NEK11: variants seen among roughly 807,000 people sequenced by gnomAD.
The protein encoded by NEK11 is serine/threonine-protein kinase Nek11.
NEK11 carries 72 observed loss-of-function variants against 80.7 expected under a neutral mutation model. The ratio of observed to expected loss-of-function variants is 0.89; its 90% CI spans 0.74 to 1.08. The LOEUF (loss-of-function observed/expected upper bound fraction) is 1.08. Ranked by LOEUF, NEK11 falls within the 50% of genes least tolerant of loss-of-function variation. NEK11 has a pLI of 0.00. For missense variants in NEK11, 764 were observed against 763.6 expected (o/e 1.00, Z -0.01); for synonymous variants, 251 against 260.7 (o/e 0.96, Z 0.36).
At chr3:131,180,396 G>C (rs1040087274) in intron 14 of NEK11, among the ~76,000 whole-genome samples, 1 of 152,130 alleles carries the variant, frequency 6.6e-6, no homozygotes, top group Admixed American at 6.5e-5. Context: ...CAATTAGATA[G>C]AGAAACAAAT....
At chr3:131,136,835 T>C (rs1358681484) in intron 7 of NEK11, among the ~76,000 whole-genome samples, 4 of 152,138 alleles carry the variant, frequency 2.6e-5, no homozygotes, top group Non-Finnish European at 5.9e-5. Flanking sequence ...CAAATATGAG[T>C]TGGGTTCCTA....
chr3:131,063,212 AG>A (rs1308881671), intron 3 of NEK11, among the ~76,000 whole-genome samples: 1 of 151,972 alleles, frequency 6.6e-6, no homozygotes, highest in Non-Finnish European at 1.5e-5. Flanking sequence ...TTTTATAGAG[AG>A]GGGGTCTCAC....
intron 16 of NEK11, among the ~76,000 whole-genome samples, chr3:131,264,286 C>T (rs1329481255): frequency 2.6e-5 from 4 of 152,152 alleles, no homozygotes; most frequent in Non-Finnish European, 4.4e-5. Flanking sequence ...AAGTCCTTGC[C>T]CATGCCCATG....
intron 3 of NEK11, among the ~76,000 whole-genome samples, chr3:131,057,293 G>C (rs909756441): frequency 2.0e-4 from 31 of 151,994 alleles, no homozygotes; most frequent in Non-Finnish European, 2.8e-4. Flanking sequence ...ATCATTGTTG[G>C]ACGTTTAGGT....
At chr3:131,237,104 CTGAGG>C (rs1335347447) in intron 15 of NEK11, among the ~76,000 whole-genome samples, 2 of 152,062 alleles carry the variant, frequency 1.3e-5, no homozygotes, top group African/African-American at 4.8e-5. Context: ...CTTTGGGAGG[CTGAGG>C]TGGGAGGATT....
chr3:131,162,362 A>C (rs927819611), intron 10 of NEK11, 46 bp from the exon 11 acceptor site: 2 of 1,585,378 alleles, frequency 1.3e-6, no homozygotes, highest in African/African-American at 1.4e-5. Flanking sequence ...ATTTTTCTGA[A>C]CATGTTTGGG....
intron 17 of NEK11, among the ~76,000 whole-genome samples, chr3:131,347,269 T>C (rs2097376706): frequency 6.6e-6 from 1 of 152,240 alleles, no homozygotes; most frequent in Non-Finnish European, 1.5e-5. Context: ...AAAAACCTGC[T>C]TATTCTCATC....
intron 14 of NEK11, among the ~76,000 whole-genome samples, chr3:131,179,871 A>T (rs951966408): frequency 2.0e-5 from 3 of 152,134 alleles, no homozygotes; most frequent in Admixed American, 6.5e-5. Flanking sequence ...GGTGTCTTTG[A>T]TTCTGTAAAG....
chr3:131,155,951 A>G (rs1311481251), intron 10 of NEK11, among the ~76,000 whole-genome samples: 1 of 152,242 alleles, frequency 6.6e-6, no homozygotes, highest in African/African-American at 2.4e-5. Context: ...ACGTGTTCTT[A>G]ATAACCTTGT....
chr3:131,204,204 G>T (rs1055449604), intron 14 of NEK11, among the ~76,000 whole-genome samples: 9 of 152,094 alleles, frequency 5.9e-5, no homozygotes, highest in African/African-American at 2.2e-4. Flanking sequence ...GTCCTAGAGG[G>T]TGGCACACCC....
At chr3:131,067,446 T>C (rs1208107849) in intron 3 of NEK11, among the ~76,000 whole-genome samples, 2 of 152,234 alleles carry the variant, frequency 1.3e-5, no homozygotes, top group East Asian at 1.9e-4. Context: ...TTCACTGTTA[T>C]GTGACTAAAA....
intron 16 of NEK11, among the ~76,000 whole-genome samples, chr3:131,270,589 A>T (rs181162988): frequency 7.9e-4 from 120 of 152,344 alleles, no homozygotes; most frequent in Non-Finnish European, 1.4e-3. Flanking sequence ...ACTACTATTC[A>T]TGTTGGAAGA....
chr3:131,204,336 G>A (rs2150419668), intron 14 of NEK11, among the ~76,000 whole-genome samples: 1 of 152,250 alleles, frequency 6.6e-6, no homozygotes, highest in East Asian at 1.9e-4. Context: ...CCTGAGTTCT[G>A]TGAGTCACCC....
chr3:131,339,633 G>A (rs2097255882), intron 17 of NEK11, among the ~76,000 whole-genome samples: 1 of 152,322 alleles, frequency 6.6e-6, no homozygotes, highest in East Asian at 1.9e-4. Context: ...TTGGGACAAA[G>A]CATTGTATTC....
At chr3:131,246,205 C>A (rs2095600554) in intron 16 of NEK11, among the ~76,000 whole-genome samples, 1 of 152,018 alleles carries the variant, frequency 6.6e-6, no homozygotes, top group African/African-American at 2.4e-5. Context: ...CACCCATCAC[C>A]CTAGCAGTGA....
intron 4 of NEK11, among the ~76,000 whole-genome samples, chr3:131,087,283 A>T (rs1168962452): frequency 8.2e-6 from 1 of 122,296 alleles, no homozygotes; most frequent in Non-Finnish European, 1.6e-5. Flanking sequence ...CCTCATTGCC[A>T]GGCTGGAGTG....
chr3:131,257,673 C>T (rs191332700), intron 16 of NEK11, among the ~76,000 whole-genome samples: 102 of 152,180 alleles, frequency 6.7e-4, no homozygotes, highest in Non-Finnish European at 1.3e-3. Flanking sequence ...ATGCTTCCCC[C>T]GCAATTGTCA....
chr3:131,242,268 T>C (rs529914252), intron 15 of NEK11, among the ~76,000 whole-genome samples: 1 of 152,278 alleles, frequency 6.6e-6, no homozygotes, highest in African/African-American at 2.4e-5. Flanking sequence ...TGGAGGGGTT[T>C]GTGGCTATGG....
chr3:131,287,766 G>A (rs999732368), intron 17 of NEK11, among the ~76,000 whole-genome samples: 1 of 152,172 alleles, frequency 6.6e-6, no homozygotes, highest in Non-Finnish European at 1.5e-5. Flanking sequence ...TCTAACTCCA[G>A]AGCATTCTGA....
Sources: allele counts gnomAD v4.1 joint callset (sites outside exome capture counted in the v4.1 genomes callset), GRCh38; gene constraint gnomAD v4.1.1; transcripts MANE v1.5; gene names NCBI Gene and HGNC (gene_info 2026-07-23, HGNC 2026-07-21).